Variants in CAVIN3 observed in about 807,000 individuals in gnomAD.
CAVIN3 encodes the protein caveolae associated protein 3.
In CAVIN3, 11 loss-of-function variants were observed where a neutral mutation model predicts 8.2. That is an observed-to-expected ratio of 1.35 (90% confidence interval 0.85 to 2.23). The LOEUF is 2.23. Among genes scored for constraint, CAVIN3 ranks in the 30% most tolerant of loss-of-function variants. The probability of loss-of-function intolerance (pLI) is 0.00; values close to 1 mark genes in which losing one functional copy is unlikely to be tolerated. For missense variants in CAVIN3, 401 were observed against 359.5 expected, an observed-to-expected ratio of 1.12 and a Z score of -0.93; for synonymous variants, 191 against 166.3, an observed-to-expected ratio of 1.15 and a Z score of -1.14.
chr11:6,320,228 G>C lies in CAVIN3; in HGVS notation c.249C>G (p.Ala83=), dbSNP rs1233593758. The C allele has an allele frequency of 6.4e-7, 1 of 1,564,458 alleles. No homozygotes were observed. Among genetic ancestry groups the C allele is most frequent in the Admixed American group, 1.8e-5 (1 of 54,750 alleles). ...CGTGCGAGCTCACGCGCTCCGCCTT[G>C]GCCAGCAGCTGCGCCAAGGTGTTGC... ...TTSNTLAQLL[A]KAERVSSHAN... is the part of the protein sequence containing the mutation. Residue 83 remains alanine (A), a synonymous_variant, in exon 1 of 2, where the codon GCC becomes GCG. Transcript: ENST00000303927.
In CAVIN3 at chr11:6,319,204, C is replaced by T; in HGVS notation, c.745G>A (p.Ala249Thr). ...DTEEDPGRPG[A>T]AEEALLQMES... ...ATTTGGAGCAGAGCTTCTTCGGCAG[C>T]CCCAGGTCTCCCGGGATCTTCCTCG... is the stretch of plus-strand genomic sequence containing the variant. The change falls in exon 2 of 2, where the codon GCT becomes ACT. Residue 249 changes from alanine to threonine, a missense_variant. Coordinates refer to ENST00000303927, the MANE Select transcript of CAVIN3 (RefSeq NM_145040.3). 6.5e-7 allele frequency: 1 copy of T among 1,549,032 alleles called. No homozygotes were observed. The highest frequency in any genetic ancestry group is 8.7e-7 in the Non-Finnish European group (1 of 1,151,990).
Position 6,319,310 on chromosome 11 carries a change from C to A in CAVIN3, c.639G>T (p.Gly213=), listed in dbSNP as rs1336030137. ...GCTGGGCTTCAGCGCTCCGGCCAGG[C>A]CCAAGGCGAGGCGGCTTGACCGGGG... ...PPTPVKPPRL[G]PGRSAEAQPE... The change falls in exon 2 of 2, where the codon GGG becomes GGT. Residue 213 remains glycine, a synonymous_variant. Coordinates refer to ENST00000303927, the MANE Select transcript of CAVIN3 (RefSeq NM_145040.3). The A allele has an allele frequency of 1.2e-6, 2 of 1,606,336 alleles. No individual in the cohort carries two copies. Among genetic ancestry groups the A allele is most frequent in the African/African-American group, 1.3e-5 (1 of 74,530 alleles).
chr11:6,319,545 G>C lies in CAVIN3; in HGVS notation c.404C>G (p.Ala135Gly). 6.3e-7 allele frequency: 1 copy of C among 1,584,206 alleles called. No homozygotes were observed. The highest frequency in any genetic ancestry group is 8.5e-7 in the Non-Finnish European group (1 of 1,170,814). Residue 135 changes from alanine to glycine, a missense_variant, in exon 2 of 2, where the codon GCC becomes GGC. Transcript: ENST00000303927. ...LLFKEEGEVP[A>G]SAFQKAPEPL... ...CTCTGGTGCCTTCTGGAAAGCGCTGGCTGGGACTTCACCCTCCTCCTGCAT... is the reference window on the plus strand; with the variant it reads ...CTCTGGTGCCTTCTGGAAAGCGCTGCCTGGGACTTCACCCTCCTCCTGCAT...
intron 1 of CAVIN3, 22 bp downstream of exon 1, chr11:6,320,071 G>C (rs1469731215): frequency 6.4e-7 from 1 of 1,565,654 alleles, no homozygotes; most frequent in Non-Finnish European, 8.6e-7. Context: ...CCTCGGATTG[G>C]GGACCGTTTG....
At position 6,320,175 on chromosome 11, in the gene CAVIN3, C is replaced by G. The variant is rs1208602085; in HGVS notation, c.302G>C (p.Arg101Pro). 1 of 1,571,732 alleles carries G rather than the reference C, an allele frequency of 6.4e-7. No homozygotes were observed. The highest frequency in any genetic ancestry group is 1.1e-5 in the South Asian group (1 of 87,720). ...CAGCCGCTGCACCTGGGCTGCGCGG[C>G]GCACCGCGCGCTCTTGGGCGGCGTT... ...HANAAQERAV[R>P]RAAQVQRLEA... is the part of the protein sequence containing the mutation. Residue 101 changes from arginine (R) to proline (P), a missense_variant, in exon 1 of 2, where the codon CGC (arginine) becomes CCC (proline). By Grantham distance (103) the Arg-to-Pro change is moderately radical. Coordinates refer to ENST00000303927, the MANE Select transcript of CAVIN3 (RefSeq NM_145040.3).
At position 6,320,456 on chromosome 11, in the gene CAVIN3, C is replaced by T. The variant is rs1447204830; in HGVS notation, c.21G>A (p.Glu7=). 1 of 1,524,568 alleles carries T rather than the reference C, an allele frequency of 6.6e-7. No individual in the cohort carries two copies. The highest frequency in any genetic ancestry group is 1.3e-5 in the South Asian group (1 of 79,206). The allele number at this position is 1,524,568 out of a possible 1,614,324, so 94.4% of individuals were successfully genotyped here. Residue 7 remains glutamate, a synonymous_variant, in exon 1 of 2, where the codon GAG becomes GAA. Coordinates refer to ENST00000303927, the MANE Select transcript of CAVIN3 (RefSeq NM_145040.3). MRESAL[E]RGPVPEAPAG... Reference sequence around the variant, plus strand: ...CCGGCGCCTCGGGCACAGGCCCCCGCTCCAACGCACTCTCCCTCATGATCC... The same window carrying T: ...CCGGCGCCTCGGGCACAGGCCCCCGTTCCAACGCACTCTCCCTCATGATCC...
rs1846771372 is a variant in CAVIN3 at position 6,319,297 on chromosome 11, C to T, written c.652G>A (p.Ala218Thr). Reference sequence around the variant, plus strand: ...GGCTGGGCTTCCGGCTGGGCTTCAGCGCTCCGGCCAGGCCCAAGGCGAGGC... The same window carrying T: ...GGCTGGGCTTCCGGCTGGGCTTCAGTGCTCCGGCCAGGCCCAAGGCGAGGC... The part of the protein sequence containing the change: ...KPPRLGPGRS[A>T]EAQPEAQPAL... Residue 218 changes from alanine to threonine, a missense_variant, in exon 2 of 2, where the codon GCT becomes ACT. Coordinates refer to ENST00000303927, the MANE Select transcript of CAVIN3 (RefSeq NM_145040.3). 2.5e-6 allele frequency: 4 copies of T among 1,608,758 alleles called. No individual in the cohort carries two copies. The highest frequency in any genetic ancestry group is 1.3e-5 in the African/African-American group (1 of 74,712).
In CAVIN3 at chr11:6,320,208, G is replaced by A. The variant is rs1846812470; in HGVS notation, c.269C>T (p.Ser90Leu). ...QLLAKAERVS[S>L]HANAAQERAV... ...GCGCTCTTGGGCGGCGTTGGCGTGC[G>A]AGCTCACGCGCTCCGCCTTGGCCAG... Residue 90 changes from serine to leucine, a missense_variant, in exon 1 of 2, where the codon TCG becomes TTG. By Grantham distance (145) the Ser-to-Leu change is moderately radical. Coordinates refer to ENST00000303927, the MANE Select transcript of CAVIN3 (RefSeq NM_145040.3). 4 of 1,564,986 alleles carry A rather than the reference G, an allele frequency of 2.6e-6. No individual in the cohort carries two copies. The highest frequency in any genetic ancestry group is 1.1e-5 in the South Asian group (1 of 87,272).
At chr11:6,319,756 G>A in intron 1 of CAVIN3, 192 bp from the exon 2 acceptor site, 2 of 750,116 alleles carry the variant, frequency 2.7e-6, no homozygotes, top group South Asian at 3.1e-5. Flanking sequence ...GTGAGGCCTG[G>A]TGAGGGGCGA....
intron 1 of CAVIN3, chr11:6,319,872 T>G (rs1846793744): frequency 4.5e-6 from 3 of 671,746 alleles, no homozygotes; most frequent in Non-Finnish European, 7.6e-6. Context: ...GAGCTAGAGC[T>G]GGGCGGGCTT....
chr11:6,318,963 T>G lies in CAVIN3; in HGVS notation c.*200A>C. ...GAGTCTGGTTCGGGTGAAATTACTT[T>G]TATTGATGGTGAGCGCAAGCAGGTG... is the stretch of plus-strand genomic sequence containing the variant. On this transcript the variant is annotated 3_prime_UTR_variant, in exon 2 of 2. Coordinates refer to ENST00000303927, the MANE Select transcript of CAVIN3 (RefSeq NM_145040.3). 2.1e-6 allele frequency: 1 copy of G among 481,596 alleles called. No homozygotes were observed. Among genetic ancestry groups the G allele is most frequent in the Non-Finnish European group, 3.6e-6 (1 of 274,974 alleles). The allele number at this position is 481,596 out of a possible 1,614,324, so 29.8% of individuals were successfully genotyped here. A position where few individuals can be genotyped will look rare whatever the true frequency, so the allele number is the denominator to read the frequency against.
Position 6,320,471 on chromosome 11 carries a change from C to T in CAVIN3, c.6G>A (p.Arg2=). M[R]ESALERGPVP... ...CAGGCCCCCGCTCCAACGCACTCTCCCTCATGATCCCTGACCGCTCTGCTC... is the reference window on the plus strand; with the variant it reads ...CAGGCCCCCGCTCCAACGCACTCTCTCTCATGATCCCTGACCGCTCTGCTC... Residue 2 remains arginine (R), a synonymous_variant, in exon 1 of 2, where the codon AGG becomes AGA. Transcript: ENST00000303927. 6.6e-7 allele frequency: 1 copy of T among 1,515,762 alleles called. No homozygotes were observed. The highest frequency in any genetic ancestry group is 1.4e-5 in the African/African-American group (1 of 70,682). The allele number at this position is 1,515,762 out of a possible 1,614,324, so 93.9% of individuals were successfully genotyped here.
intron 1 of CAVIN3, chr11:6,319,839 A>C (rs1846793022): frequency 1.5e-6 from 1 of 665,500 alleles, no homozygotes; most frequent in South Asian, 1.8e-5. Flanking sequence ...TGGGACTCAG[A>C]CCAAATTCTG....
In CAVIN3 at chr11:6,319,129, G is replaced by T; in HGVS notation, c.*34C>A. The T allele has an allele frequency of 6.6e-7, 1 of 1,505,450 alleles. No homozygotes were observed. Among genetic ancestry groups the T allele is most frequent in the Non-Finnish European group, 8.9e-7 (1 of 1,127,548 alleles). The allele number at this position is 1,505,450 out of a possible 1,614,324, so 93.3% of individuals were successfully genotyped here. A position where few individuals can be genotyped will look rare whatever the true frequency, so the allele number is the denominator to read the frequency against. On this transcript the variant is annotated 3_prime_UTR_variant, in exon 2 of 2. Coordinates refer to ENST00000303927, the MANE Select transcript of CAVIN3 (RefSeq NM_145040.3). ...CTGAAAGGATTTATTTTGGGACAAG[G>T]CACAAGCACAGGGGAGGCAGGCAAC...
In CAVIN3 at chr11:6,320,171, G is replaced by C; in HGVS notation, c.306C>G (p.Arg102=). The part of the protein sequence containing the change: ...ANAAQERAVR[R]AAQVQRLEAN... The stretch of plus-strand genomic sequence containing the variant: ...CCTCCAGCCGCTGCACCTGGGCTGC[G>C]CGGCGCACCGCGCGCTCTTGGGCGG... The change falls in exon 1 of 2, where the codon CGC becomes CGG. Residue 102 remains arginine (R), a synonymous_variant. Coordinates refer to ENST00000303927, the MANE Select transcript of CAVIN3 (RefSeq NM_145040.3). The C allele has an allele frequency of 6.4e-7, 1 of 1,573,132 alleles. No homozygotes were observed. Among genetic ancestry groups the C allele is most frequent in the South Asian group, 1.1e-5 (1 of 87,910 alleles).
chr11:6,319,346 C>A lies in CAVIN3; in HGVS notation c.603G>T (p.Ala201=). The A allele has an allele frequency of 6.3e-7, 1 of 1,596,144 alleles. No individual in the cohort carries two copies. The highest frequency in any genetic ancestry group is 8.5e-7 in the Non-Finnish European group (1 of 1,172,894). Residue 201 remains alanine, a synonymous_variant, in exon 2 of 2, where the codon GCG becomes GCT. Transcript: ENST00000303927. ...GCGGCTTGACCGGGGTGGGCGGTGG[C>A]GCTGCAGGGCCTTTCCGGCCCGAAA... ...RALSGRKGPA[A]PPPTPVKPPR...
At chr11:6,319,855 G>A in intron 1 of CAVIN3, 2 of 666,920 alleles carry the variant, frequency 3.0e-6, no homozygotes, top group South Asian at 1.8e-5. Flanking sequence ...TTCTGCGGAC[G>A]TGGCCTGAGC....
Position 6,319,339 on chromosome 11 carries a change from G to A in CAVIN3, c.610C>T (p.Pro204Ser). Residue 204 changes from proline (P) to serine (S), a missense_variant, in exon 2 of 2, where the codon CCC becomes TCC. Physicochemically the swap from Pro to Ser is moderately conservative, Grantham distance 74. Coordinates refer to ENST00000303927, the MANE Select transcript of CAVIN3 (RefSeq NM_145040.3). ...AGGCGAGGCGGCTTGACCGGGGTGG[G>A]CGGTGGCGCTGCAGGGCCTTTCCGG... ...SGRKGPAAPP[P>S]TPVKPPRLGP... 6.2e-7 allele frequency: 1 copy of A among 1,600,012 alleles called. No individual in the cohort carries two copies. Among genetic ancestry groups the A allele is most frequent in the Non-Finnish European group, 8.5e-7 (1 of 1,174,272 alleles).
Position 6,319,101 on chromosome 11 carries a change from A to C in CAVIN3, c.*62T>G. The C allele has an allele frequency of 6.7e-7, 1 of 1,489,978 alleles. No individual in the cohort carries two copies. The highest frequency in any genetic ancestry group is 1.4e-5 in the South Asian group (1 of 72,434). 92.3% of individuals were successfully genotyped at this position (1,489,978 alleles called of 1,614,324 possible). Reference sequence around the variant, plus strand: ...CTCCTTATTAGGGCGTGAGTGCTACATTCTGAAAGGATTTATTTTGGGACA... The same window carrying C: ...CTCCTTATTAGGGCGTGAGTGCTACCTTCTGAAAGGATTTATTTTGGGACA... On this transcript the variant is annotated 3_prime_UTR_variant, in exon 2 of 2. Transcript: ENST00000303927.
Sources: gnomAD v4.1 joint callset for allele counts on GRCh38, gnomAD v4.1.1 for gene constraint, MANE v1.5 for transcripts, NCBI Gene and HGNC (gene_info 2026-07-23, HGNC 2026-07-21) for gene names.